The following ZBTB20 variants were observed in gnomAD, a reference collection of about 807,000 sequenced individuals.
The protein encoded by ZBTB20 is zinc finger and BTB domain containing 20.
ZBTB20 carries 9 observed loss-of-function variants against 56.9 expected under a neutral mutation model. The observed-to-expected ratio is 0.16, with a 90% CI of 0.10 to 0.28. The LOEUF is 0.28. Ranked by LOEUF, ZBTB20 falls within the 10% of genes least tolerant of loss-of-function variation. The probability of loss-of-function intolerance (pLI) is 1.00; values close to 1 mark genes in which losing one functional copy is unlikely to be tolerated. For missense variants in ZBTB20, 655 were observed against 1,003.0 expected, an observed-to-expected ratio of 0.65 and a Z score of 4.69; for synonymous variants, 417 against 420.7, an observed-to-expected ratio of 0.99 and a Z score of 0.11.
intron 1 of ZBTB20, among the ~76,000 whole-genome samples, chr3:115,079,436 T>C (rs1354733945): frequency 1.3e-5 from 2 of 152,128 alleles, no homozygotes; most frequent in East Asian, 3.9e-4. Context: ...TCACCCAGGC[T>C]GGAGTGCAGT....
intron 6 of ZBTB20, among the ~76,000 whole-genome samples, chr3:114,508,217 A>G (rs2044883164): frequency 5.9e-5 from 9 of 152,162 alleles, no homozygotes; most frequent in Admixed American, 5.9e-4. Flanking sequence ...AATGTGCCCC[A>G]TATGATTAAG....
intron 7 of ZBTB20, among the ~76,000 whole-genome samples, chr3:114,473,165 C>T (rs1430789895): frequency 2.0e-5 from 3 of 152,202 alleles, no homozygotes; most frequent in Non-Finnish European, 4.4e-5. Context: ...GAACAGCACG[C>T]TTTATGTGTG....
intron 6 of ZBTB20, among the ~76,000 whole-genome samples, chr3:114,583,363 AG>A (rs1226504077): frequency 1.3e-5 from 2 of 152,382 alleles, no homozygotes; most frequent in East Asian, 3.8e-4. Context: ...AACTGCAAAA[AG>A]ATCAATGGAC....
At chr3:114,599,374 AAGGTG>A (rs2056585942) in intron 6 of ZBTB20, 1 of 152,096 alleles carries the variant, frequency 6.6e-6, no homozygotes, top group Non-Finnish European at 1.5e-5. Context: ...AAAACACAGA[AAGGTG>A]ATATACTTGG....
At chr3:115,044,147 CT>C (rs2081253186) in intron 2 of ZBTB20, among the ~76,000 whole-genome samples, 1 of 152,212 alleles carries the variant, frequency 6.6e-6, no homozygotes, top group Non-Finnish European at 1.5e-5. Flanking sequence ...AATTAAACCT[CT>C]TTTCTTTATA....
At chr3:114,750,741 C>T (rs2067494419) in intron 5 of ZBTB20, among the ~76,000 whole-genome samples, 1 of 152,154 alleles carries the variant, frequency 6.6e-6, no homozygotes, top group South Asian at 2.1e-4. Context: ...CAGCCATTTT[C>T]CATATGTAGC....
chr3:114,857,418 T>C (rs1331015883), intron 4 of ZBTB20, among the ~76,000 whole-genome samples: 4 of 152,154 alleles, frequency 2.6e-5, no homozygotes, highest in Non-Finnish European at 5.9e-5. Context: ...AGGATATGAA[T>C]AAATAAGCTA....
In ZBTB20 at chr3:114,350,721, C is replaced by T. The variant is rs2080590809; in HGVS notation, c.1357G>A (p.Asp453Asn). The T allele has an allele frequency of 1.2e-6, 2 of 1,614,196 alleles. No homozygotes were observed. The highest frequency in any genetic ancestry group is 1.7e-6 in the Non-Finnish European group (2 of 1,180,036). Residue 453 changes from aspartate to asparagine, a missense_variant, in exon 11 of 12, where the codon GAC becomes AAC. This residue lies in a region of ZBTB20 where 156 missense variants were observed against 181.0 expected (regional missense o/e 0.86). Coordinates refer to ENST00000675478, the MANE Select transcript of ZBTB20 (RefSeq NM_001348800.3). ...GAAGGCTGTTGTAGGACGCTCTTGT[C>T]GGAGCTGTTGCTGACAGTGATAACA... ...STVITVSNSSDKSVLQQPSVN... is the reference protein window; with the variant it reads ...STVITVSNSSNKSVLQQPSVN...
intron 2 of ZBTB20, among the ~76,000 whole-genome samples, chr3:115,039,940 A>G (rs1034313219): frequency 6.6e-6 from 1 of 152,054 alleles, no homozygotes; most frequent in African/African-American, 2.4e-5. Flanking sequence ...CTGAGGATAG[A>G]TTTTAAATGT....
intron 11 of ZBTB20, among the ~76,000 whole-genome samples, chr3:114,345,916 G>A (rs1038429367): frequency 2.0e-5 from 3 of 152,110 alleles, no homozygotes; most frequent in African/African-American, 7.2e-5. Context: ...GTAGAGGGGA[G>A]CACTGCTTTC....
At chr3:114,888,510 G>C (rs2076690210) in intron 4 of ZBTB20, among the ~76,000 whole-genome samples, 1 of 152,086 alleles carries the variant, frequency 6.6e-6, no homozygotes, top group Non-Finnish European at 1.5e-5. Context: ...TACTTAATTG[G>C]ACATAAATCA....
At chr3:114,663,691 A>G (rs1578221383) in intron 6 of ZBTB20, among the ~76,000 whole-genome samples, 2 of 151,732 alleles carry the variant, frequency 1.3e-5, no homozygotes, top group East Asian at 3.9e-4. Context: ...AGGATGGAGG[A>G]AGATCTACCA....
intron 4 of ZBTB20, among the ~76,000 whole-genome samples, chr3:114,875,381 G>A (rs1004977910): frequency 2.6e-5 from 4 of 152,062 alleles, no homozygotes; most frequent in Non-Finnish European, 4.4e-5. Flanking sequence ...CAAAAGTCAA[G>A]AAAATAAATT....
At chr3:114,626,510 C>G (rs966911868) in intron 6 of ZBTB20, among the ~76,000 whole-genome samples, 7 of 152,100 alleles carry the variant, frequency 4.6e-5, no homozygotes, top group Non-Finnish European at 1.0e-4. Context: ...CAGTGTTGTT[C>G]CACTGGATTG....
intron 3 of ZBTB20, among the ~76,000 whole-genome samples, chr3:114,938,735 T>C (rs1160844267): frequency 6.9e-6 from 1 of 145,448 alleles, no homozygotes; most frequent in African/African-American, 2.8e-5. Flanking sequence ...GACAGGTTGA[T>C]GGGTGCAGCA....
At chr3:114,783,187 G>T (rs892165665) in intron 5 of ZBTB20, among the ~76,000 whole-genome samples, 1 of 152,098 alleles carries the variant, frequency 6.6e-6, no homozygotes, top group Non-Finnish European at 1.5e-5. Context: ...GTTAGGTAAA[G>T]TACTACATGT....
chr3:115,044,048 T>C (rs1056361937), intron 2 of ZBTB20, among the ~76,000 whole-genome samples: 2 of 152,206 alleles, frequency 1.3e-5, no homozygotes, highest in East Asian at 3.9e-4. Flanking sequence ...CTTTGCCTTC[T>C]GCCATTACTG....
intron 1 of ZBTB20, among the ~76,000 whole-genome samples, chr3:115,122,617 C>T (rs1346764885): frequency 1.3e-5 from 2 of 152,050 alleles, no homozygotes; most frequent in South Asian, 2.1e-4. Context: ...ATTTGTCCTG[C>T]CTCTCCATAA....
chr3:114,849,812 G>A (rs9878246), intron 4 of ZBTB20, among the ~76,000 whole-genome samples: 122,698 of 151,626 alleles, frequency 0.81, 52,863 homozygotes, highest in East Asian at 0.99. Flanking sequence ...GTTAACCCCT[G>A]GTTTAATTTA....
Sources: allele counts gnomAD v4.1 joint callset (sites outside exome capture counted in the v4.1 genomes callset), GRCh38; gene constraint gnomAD v4.1.1; regional missense constraint gnomAD v4.1.1; transcripts MANE v1.5; gene names NCBI Gene and HGNC (gene_info 2026-07-23, HGNC 2026-07-21).